EP400: variants seen among roughly 807,000 people sequenced by gnomAD.
EP400 encodes E1A-binding protein p400.
In EP400, 105 loss-of-function variants were observed where a neutral mutation model predicts 354.1. The observed-to-expected ratio is 0.30, with a 90% CI of 0.25 to 0.35. The LOEUF (loss-of-function observed/expected upper bound fraction) is 0.35, where lower values mean the gene tolerates loss of function less well. EP400 is among the 10% of genes least tolerant of loss of function. The pLI, the probability that EP400 is intolerant of heterozygous loss-of-function variation, is 1.00. For synonymous variants in EP400, 1,646 were observed against 1,716.9 expected (o/e 0.96, Z 1.02); for missense variants, 3,280 against 4,121.0 (o/e 0.80, Z 5.59).
chr12:131,975,455 C>T (rs1338688209), intron 2 of EP400, among the ~76,000 whole-genome samples: 2 of 152,194 alleles, frequency 1.3e-5, no homozygotes, highest in East Asian at 1.9e-4. Flanking sequence ...CTGCACTGCA[C>T]TGTCCTGGTT....
At chr12:131,995,581 A>G (rs890363997) in intron 12 of EP400, among the ~76,000 whole-genome samples, 4 of 143,746 alleles carry the variant, frequency 2.8e-5, no homozygotes, top group African/African-American at 1.0e-4. Flanking sequence ...GACTGAATGT[A>G]CCGTTCATCC....
At chr12:132,028,529 G>C (rs200758562) in intron 27 of EP400, among the ~76,000 whole-genome samples, 1 of 152,184 alleles carries the variant, frequency 6.6e-6, no homozygotes, top group African/African-American at 2.4e-5. Flanking sequence ...GGGCAGAGCC[G>C]CAGCACTGAG....
chr12:132,014,658 G>T (rs1241107432), intron 19 of EP400, among the ~76,000 whole-genome samples: 1 of 152,172 alleles, frequency 6.6e-6, no homozygotes, highest in African/African-American at 2.4e-5. Flanking sequence ...AGGCTTTGCT[G>T]CAGGGTTACC....
rs1893995495 is a variant in EP400, at chr12:132,017,832, A to G, written c.4110+111A>G. The stretch of plus-strand genomic sequence containing the variant: ...CTCAACCAGCTCTTCTGCAATTGCA[A>G]TTGCAGCTCCGCGATACATGGCACC... On this transcript the variant is annotated intron_variant, in intron 20 of 52. Coordinates refer to ENST00000389561, the MANE Select transcript of EP400 (RefSeq NM_015409.5). The surrounding 1 kb of genome is among the most constrained non-coding windows in gnomAD (Gnocchi z 5.0). 14 of 1,205,998 alleles carry G rather than the reference A, an allele frequency of 1.2e-5. No individual in the cohort carries two copies. The highest frequency in any genetic ancestry group is 1.6e-5 in the Non-Finnish European group (14 of 885,434). 74.7% of individuals were successfully genotyped at this position (1,205,998 alleles called of 1,614,324 possible).
chr12:132,051,291 G>A (rs905733820), intron 41 of EP400, among the ~76,000 whole-genome samples: 7 of 152,252 alleles, frequency 4.6e-5, no homozygotes, highest in Admixed American at 1.3e-4. Context: ...CTACAGGGTC[G>A]GTGGGTTTCT....
At chr12:132,039,582 G>A (rs1240613006) in intron 32 of EP400, among the ~76,000 whole-genome samples, 1 of 151,634 alleles carries the variant, frequency 6.6e-6, no homozygotes, top group Non-Finnish European at 1.5e-5. Flanking sequence ...CCCCAACCCC[G>A]CCACCACCCC....
intron 15 of EP400, among the ~76,000 whole-genome samples, chr12:132,009,332 C>T (rs981107484): frequency 1.3e-5 from 2 of 152,182 alleles, no homozygotes; most frequent in Non-Finnish European, 2.9e-5. Context: ...TACCTGATGA[C>T]TGTCACAGAC....
chr12:131,980,326 A>G (rs1892638068), intron 3 of EP400, among the ~76,000 whole-genome samples: 1 of 152,200 alleles, frequency 6.6e-6, no homozygotes, highest in Non-Finnish European at 1.5e-5. Context: ...AGATGCGATC[A>G]TATATAAGTT....
chr12:132,044,339 C>T, intron 35 of EP400, 28 bp downstream of exon 35: 1 of 1,601,862 alleles, frequency 6.2e-7, no homozygotes, highest in African/African-American at 1.3e-5. Context: ...CTCCTGCCCT[C>T]TTGCCCCCCT....
chr12:132,011,653 T>A lies in EP400; in HGVS notation c.3441+19T>A, dbSNP rs1394063068. The A allele has an allele frequency of 6.4e-7, 1 of 1,571,440 alleles. No homozygotes were observed. Among genetic ancestry groups the A allele is most frequent in the South Asian group, 1.2e-5 (1 of 83,212 alleles). ...GAGACAGGTATTTTTTTTTTAAACATAAAATAAAGCTAAACAGAAAGCCAT... is the reference window on the plus strand; with the variant it reads ...GAGACAGGTATTTTTTTTTTAAACAAAAAATAAAGCTAAACAGAAAGCCAT... On this transcript the variant is annotated intron_variant, in intron 16 of 52. Transcript: ENST00000389561.
intron 48 of EP400, chr12:132,065,158 C>T (rs1471269566): frequency 1.7e-6 from 1 of 587,280 alleles, no homozygotes; most frequent in Non-Finnish European, 2.9e-6. Context: ...TGAGATGCAG[C>T]CTGCGTGGCT....
rs1281796482 is a variant in EP400, at chr12:131,986,582, T to C, written c.1998T>C (p.Ser666=). 3 of 1,613,962 alleles carry C rather than the reference T, an allele frequency of 1.9e-6. No individual in the cohort carries two copies. The highest frequency in any genetic ancestry group is 2.5e-6 in the Non-Finnish European group (3 of 1,179,954). ...GCCCACGGCCTCTGCCCACCTCTTCTACCTCGTCCCTCGCGCCTGTGAGTG... is the reference window on the plus strand; with the variant it reads ...GCCCACGGCCTCTGCCCACCTCTTCCACCTCGTCCCTCGCGCCTGTGAGTG... ...PPCPRPLPTS[S]TSSLAPVSGS... Residue 666 remains serine (S), a synonymous_variant, in exon 6 of 53, where the codon TCT becomes TCC. Coordinates refer to ENST00000389561, the MANE Select transcript of EP400 (RefSeq NM_015409.5).
chr12:132,033,768 A>T (rs1476708205), intron 30 of EP400, among the ~76,000 whole-genome samples: 1 of 151,856 alleles, frequency 6.6e-6, no homozygotes, highest in Non-Finnish European at 1.5e-5. Flanking sequence ...CTGGGCTCAA[A>T]CAGTCAGCCC....
chr12:132,051,805 T>G (rs1352053821), intron 41 of EP400, among the ~76,000 whole-genome samples: 1 of 151,830 alleles, frequency 6.6e-6, no homozygotes, highest in Admixed American at 6.6e-5. Flanking sequence ...TTCTCTAAAC[T>G]CCCCTGGGGA....
chr12:132,007,345 G>A (rs528701436), intron 15 of EP400, among the ~76,000 whole-genome samples: 2 of 152,232 alleles, frequency 1.3e-5, no homozygotes, highest in South Asian at 2.1e-4. Flanking sequence ...ATGGGGCAGC[G>A]TTTCTGATCC....
In EP400 at chr12:131,961,513, C is replaced by T. The variant is rs562306475; in HGVS notation, c.894C>T (p.Pro298=). The T allele has an allele frequency of 1.0e-4, 158 of 1,580,042 alleles. 2 individuals are homozygous for T. In the South Asian group the frequency reaches 1.5e-3, roughly 15 times the overall value. Residue 298 remains proline, a synonymous_variant, in exon 2 of 53, where the codon CCC becomes CCT. Coordinates refer to ENST00000389561, the MANE Select transcript of EP400 (RefSeq NM_015409.5). The part of the protein sequence containing the change: ...LPRPLGFERT[P]GVLLPGAGGA... Reference sequence around the variant, plus strand: ...GGCCCCTGGGCTTCGAGAGGACACCCGGCGTGCTGCTCCCCGGGGCTGGGG... The same window carrying T: ...GGCCCCTGGGCTTCGAGAGGACACCTGGCGTGCTGCTCCCCGGGGCTGGGG...
intron 2 of EP400, among the ~76,000 whole-genome samples, chr12:131,968,060 CT>C (rs1892162005): frequency 6.6e-6 from 1 of 151,764 alleles, no homozygotes; most frequent in African/African-American, 2.4e-5. Flanking sequence ...TTGTTTTTTT[CT>C]TCTCTTAAGA....
chr12:132,059,338 A>T lies in EP400; in HGVS notation c.7885-2772A>T, dbSNP rs117644220. Among the ~76,000 whole-genome samples, 1,087 of 152,226 alleles carry T rather than the reference A, an allele frequency of 7.1e-3. 35 individuals carry two copies. The South Asian group carries it at 0.093, about 13-fold the overall frequency. ...GGCCTTCAGGGGTCAAAAGAAGAGT[A>T]GCCCTTGGATTGAGTAGTGGAGCAT... On this transcript the variant is annotated intron_variant, in intron 45 of 52. Transcript: ENST00000389561.
intron 12 of EP400, among the ~76,000 whole-genome samples, chr12:131,997,395 A>G (rs558446282): frequency 6.6e-5 from 10 of 152,022 alleles, no homozygotes; most frequent in African/African-American, 1.2e-4. Flanking sequence ...CAGGCTCCCA[A>G]GTAGCTGGGA....
Sources: allele counts gnomAD v4.1 joint callset (sites outside exome capture counted in the v4.1 genomes callset), GRCh38; gene constraint gnomAD v4.1.1; non-coding constraint Gnocchi (gnomAD v3.1); transcripts MANE v1.5; gene names NCBI Gene and HGNC (gene_info 2026-07-23, HGNC 2026-07-21).